The following PTPRD variants were observed in gnomAD, a reference collection of about 807,000 sequenced individuals.
PTPRD encodes the protein receptor-type tyrosine-protein phosphatase delta.
Under a neutral mutation model 214.5 loss-of-function variants are expected in PTPRD, and 34 were observed. The ratio of observed to expected loss-of-function variants is 0.16; its 90% CI spans 0.12 to 0.21. The LOEUF is 0.21. PTPRD is among the 10% of genes least tolerant of loss of function. The pLI is 1.00. For missense variants in PTPRD, 2,545 were observed against 2,398.7 expected (o/e 1.06, Z -1.27); for synonymous variants, 1,128 against 845.7 (o/e 1.33, Z -5.79).
intron 35 of PTPRD, among the ~76,000 whole-genome samples, chr9:8,421,821 T>C (rs1219047318): frequency 1.3e-5 from 2 of 151,456 alleles, no homozygotes; most frequent in East Asian, 3.9e-4. Flanking sequence ...AATATTTAAA[T>C]ATAAAGTACA....
intron 5 of PTPRD, among the ~76,000 whole-genome samples, chr9:9,910,491 C>T (rs761117579): frequency 1.3e-5 from 2 of 152,090 alleles, no homozygotes; most frequent in South Asian, 2.1e-4. Flanking sequence ...TGAAAACATA[C>T]GTACTCCTCT....
chr9:10,216,490 C>G (rs932389458), intron 3 of PTPRD, among the ~76,000 whole-genome samples: 1 of 151,840 alleles, frequency 6.6e-6, no homozygotes, highest in Non-Finnish European at 1.5e-5. Flanking sequence ...CTTATATGCT[C>G]TAAATTTATA....
chr9:8,916,035 G>A (rs1203445153), intron 11 of PTPRD, among the ~76,000 whole-genome samples: 1 of 152,140 alleles, frequency 6.6e-6, no homozygotes, highest in Non-Finnish European at 1.5e-5. Flanking sequence ...CATTCACTAA[G>A]CTGGAGAACA....
chr9:8,937,686 T>A (rs2099006868), intron 11 of PTPRD, among the ~76,000 whole-genome samples: 1 of 152,216 alleles, frequency 6.6e-6, no homozygotes, highest in Non-Finnish European at 1.5e-5. Flanking sequence ...AATATACAAA[T>A]GCTTGAACTT....
At chr9:9,475,709 T>C (rs1490573555) in intron 8 of PTPRD, among the ~76,000 whole-genome samples, 1 of 152,232 alleles carries the variant, frequency 6.6e-6, no homozygotes, top group Non-Finnish European at 1.5e-5. Context: ...TTCCTGAATG[T>C]TGATTTTCAT....
chr9:9,426,434 C>T (rs10759071), intron 8 of PTPRD, among the ~76,000 whole-genome samples: 130,836 of 152,188 alleles, frequency 0.86, 56,334 homozygotes, highest in Middle Eastern at 0.91. Context: ...TGGAGCCCAC[C>T]GCAGCTCAAG....
chr9:8,803,607 C>T (rs777037986), intron 11 of PTPRD, among the ~76,000 whole-genome samples: 1 of 151,994 alleles, frequency 6.6e-6, no homozygotes, highest in Non-Finnish European at 1.5e-5. Context: ...GTGGCACAGG[C>T]CTATAGTCCT....
At chr9:9,775,713 G>T (rs1288708245) in intron 5 of PTPRD, among the ~76,000 whole-genome samples, 2 of 152,084 alleles carry the variant, frequency 1.3e-5, no homozygotes. Flanking sequence ...GGAGGCCAAG[G>T]CGGGTGGATC....
intron 27 of PTPRD, among the ~76,000 whole-genome samples, chr9:8,492,440 G>T (rs534090009): frequency 6.6e-6 from 1 of 151,964 alleles, no homozygotes; most frequent in East Asian, 1.9e-4. Context: ...TTGCCTATAC[G>T]CTTTTACTTT....
At chr9:9,060,696 T>C (rs1015204865) in intron 10 of PTPRD, among the ~76,000 whole-genome samples, 2 of 152,088 alleles carry the variant, frequency 1.3e-5, no homozygotes, top group African/African-American at 2.4e-5. Flanking sequence ...TTTGACTAGG[T>C]ATTTAATCAG....
intron 3 of PTPRD, among the ~76,000 whole-genome samples, chr9:10,333,647 C>G (rs892104876): frequency 2.0e-5 from 3 of 151,676 alleles, no homozygotes; most frequent in Non-Finnish European, 4.4e-5. Flanking sequence ...TAAACTCAGC[C>G]CAGTTAATTA....
intron 8 of PTPRD, among the ~76,000 whole-genome samples, chr9:9,560,416 G>A (rs776831508): frequency 3.3e-5 from 5 of 152,220 alleles, no homozygotes; most frequent in Non-Finnish European, 5.9e-5. Flanking sequence ...ATGCCTATCC[G>A]ACTTTGCTGG....
At chr9:9,119,030 A>G (rs1014275082) in intron 10 of PTPRD, among the ~76,000 whole-genome samples, 1 of 152,178 alleles carries the variant, frequency 6.6e-6, no homozygotes, top group Non-Finnish European at 1.5e-5. Context: ...TGTCATATGG[A>G]AAGACCAAGA....
At chr9:10,198,217 G>A (rs927139348) in intron 3 of PTPRD, among the ~76,000 whole-genome samples, 1 of 151,986 alleles carries the variant, frequency 6.6e-6, no homozygotes, top group Admixed American at 6.6e-5. Flanking sequence ...GCTATAAGAA[G>A]AACTAACAAC....
intron 10 of PTPRD, among the ~76,000 whole-genome samples, chr9:9,161,548 G>A (rs1054925398): frequency 6.6e-6 from 1 of 152,072 alleles, no homozygotes; most frequent in African/African-American, 2.4e-5. Flanking sequence ...AAAATGAGAA[G>A]CTAGAGATGT....
At chr9:9,788,318 G>A (rs112215530) in intron 5 of PTPRD, among the ~76,000 whole-genome samples, 10 of 151,308 alleles carry the variant, frequency 6.6e-5, no homozygotes, top group African/African-American at 2.4e-4. Context: ...TTGGGAGGCC[G>A]AGGTGGGTGG....
chr9:9,256,703 CCTGA>C (rs1248284206), intron 9 of PTPRD, among the ~76,000 whole-genome samples: 1 of 151,940 alleles, frequency 6.6e-6, no homozygotes, highest in East Asian at 2.0e-4. Context: ...ATAGCAGTGC[CCTGA>C]CTAATTACAA....
At chr9:8,855,866 T>A (rs34242138) in intron 11 of PTPRD, among the ~76,000 whole-genome samples, 18,242 of 152,202 alleles carry the variant, frequency 0.12, 1,514 homozygotes, top group Middle Eastern at 0.2. Flanking sequence ...CTGGACACAA[T>A]CTGACAGCTG....
intron 7 of PTPRD, among the ~76,000 whole-genome samples, chr9:9,618,396 A>C (rs2095035008): frequency 6.6e-6 from 1 of 152,086 alleles, no homozygotes; most frequent in Non-Finnish European, 1.5e-5. Flanking sequence ...AGAAAAAAAA[A>C]ACAATAATAT....
Sources: allele counts gnomAD v4.1 joint callset (sites outside exome capture counted in the v4.1 genomes callset), GRCh38; gene constraint gnomAD v4.1.1; transcripts MANE v1.5; gene names NCBI Gene and HGNC (gene_info 2026-07-23, HGNC 2026-07-21).